Variants in DSCAM observed in about 807,000 individuals in gnomAD.
DSCAM encodes the protein DS cell adhesion molecule, also known as cell adhesion molecule DSCAM.
DSCAM carries 47 observed loss-of-function variants against 217.7 expected under a neutral mutation model. The observed-to-expected ratio is 0.22, with a 90% confidence interval of 0.17 to 0.28. The LOEUF (loss-of-function observed/expected upper bound fraction) is 0.28, where lower values mean the gene tolerates loss of function less well. Among genes scored for constraint, DSCAM ranks in the 10% least tolerant of loss-of-function variants. The pLI is 1.00. For missense variants in DSCAM, 2,080 were observed against 2,618.3 expected, an observed-to-expected ratio of 0.79 and a Z score of 4.49; for synonymous variants, 1,056 against 1,015.3, an observed-to-expected ratio of 1.04 and a Z score of -0.76.
chr21:40,232,109 C>G (rs1309963184), intron 11 of DSCAM, among the ~76,000 whole-genome samples: 2 of 152,144 alleles, frequency 1.3e-5, no homozygotes, highest in Non-Finnish European at 2.9e-5. Context: ...TGCATGTTTA[C>G]AGAATGGAAT....
chr21:40,247,305 A>G (rs2073239546), intron 11 of DSCAM, among the ~76,000 whole-genome samples: 1 of 152,120 alleles, frequency 6.6e-6, no homozygotes, highest in Admixed American at 6.5e-5. Flanking sequence ...CAAAGTCTTA[A>G]CTCATTTCAG....
At chr21:40,203,060 A>G (rs1366695122) in intron 11 of DSCAM, among the ~76,000 whole-genome samples, 1 of 152,246 alleles carries the variant, frequency 6.6e-6, no homozygotes, top group Non-Finnish European at 1.5e-5. Context: ...AAATATGAGT[A>G]TAAAAATTGA....
At chr21:40,571,202 T>A (rs1365202330) in intron 3 of DSCAM, among the ~76,000 whole-genome samples, 1 of 151,668 alleles carries the variant, frequency 6.6e-6, no homozygotes, top group African/African-American at 2.4e-5. Context: ...GGAAAAAAAA[T>A]TCAAAATGCT....
chr21:40,468,592 C>G (rs1384715182), intron 3 of DSCAM, among the ~76,000 whole-genome samples: 1 of 152,118 alleles, frequency 6.6e-6, no homozygotes, highest in African/African-American at 2.4e-5. Context: ...AAGGGCTGAA[C>G]AAGGAGGGGT....
At position 40,273,811 on chromosome 21, in the gene DSCAM, T is replaced by C. The variant is rs373060675; in HGVS notation, c.2356+2286A>G. On this transcript the variant is annotated intron_variant, in intron 11 of 32. Coordinates refer to ENST00000400454, the MANE Select transcript of DSCAM (RefSeq NM_001389.5). ...CACCTTCTTGTATATCCTCGCATGGTGGAAACAGAGAACAGGAGAGCTCTC... is the reference window on the plus strand; with the variant it reads ...CACCTTCTTGTATATCCTCGCATGGCGGAAACAGAGAACAGGAGAGCTCTC... Among the ~76,000 whole-genome samples the C allele has an allele frequency of 2.8e-3, 433 of 152,230 alleles. 4 individuals are homozygous for C. The highest frequency in any genetic ancestry group is 0.027 in the Middle Eastern group (8 of 294).
intron 2 of DSCAM, among the ~76,000 whole-genome samples, chr21:40,694,839 G>T (rs62223021): frequency 0.048 from 7,319 of 151,894 alleles, 361 homozygotes; most frequent in African/African-American, 0.13. Flanking sequence ...GGGAGCTGAG[G>T]TCTACGGTAA....
At position 40,756,248 on chromosome 21, in the gene DSCAM, G is replaced by A. The variant is rs985070929; in HGVS notation, c.44-47477C>T. Among the ~76,000 whole-genome samples the A allele has an allele frequency of 2.0e-5, 3 of 152,160 alleles. No homozygotes were observed. The East Asian group carries it at 5.8e-4, about 29-fold the overall frequency. On this transcript the variant is annotated intron_variant, in intron 1 of 32. Coordinates refer to ENST00000400454, the MANE Select transcript of DSCAM (RefSeq NM_001389.5). ...TCTTCCTCCCGCTCTGGCCATAGGAGCTGCCTGCTCCCTCTTTGCCTTCTG... is the reference window on the plus strand; with the variant it reads ...TCTTCCTCCCGCTCTGGCCATAGGAACTGCCTGCTCCCTCTTTGCCTTCTG...
At chr21:40,518,542 GTACACACACATA>G (rs1568871843) in intron 3 of DSCAM, among the ~76,000 whole-genome samples, 1 of 56,840 alleles carries the variant, frequency 1.8e-5, no homozygotes, top group Non-Finnish European at 2.9e-5. Context: ...ATATATATAT[GTACACACACATA>G]TACACACACA....
At chr21:40,768,665 G>C (rs1220406631) in intron 1 of DSCAM, among the ~76,000 whole-genome samples, 14 of 152,210 alleles carry the variant, frequency 9.2e-5, no homozygotes, top group Admixed American at 9.2e-4. Flanking sequence ...TCCCCGGTAA[G>C]TGCAGCAATC....
intron 6 of DSCAM, among the ~76,000 whole-genome samples, chr21:40,343,407 T>G (rs919805256): frequency 2.0e-5 from 3 of 152,164 alleles, no homozygotes; most frequent in Non-Finnish European, 2.9e-5. Context: ...GGAAGTATGA[T>G]TTTAGCTGTA....
Position 40,752,779 on chromosome 21 carries a change from C to T in DSCAM, c.44-44008G>A, listed in dbSNP as rs138014895. On this transcript the variant is annotated intron_variant, in intron 1 of 32. Transcript: ENST00000400454. ...TGAAAATAAGCTCAATTTTAAAAAG[C>T]GGGGAGTAAAGAATTACAAAAGGAA... 7.8e-4 allele frequency among the ~76,000 whole-genome samples: 118 copies of T among 151,550 alleles called. 1 individual carries two copies. Among genetic ancestry groups the T allele is most frequent in the African/African-American group, 2.6e-3 (107 of 41,224 alleles).
rs114345467 is a variant in DSCAM, at chr21:40,212,825, G to A, written c.2357-23587C>T. On this transcript the variant is annotated intron_variant, in intron 11 of 32. Transcript: ENST00000400454. Reference sequence around the variant, plus strand: ...GATAAGGTCATCCTTCATTAGGGTGGGTCCTAAATCCACTGAAGAATGTCA... The same window carrying A: ...GATAAGGTCATCCTTCATTAGGGTGAGTCCTAAATCCACTGAAGAATGTCA... 4.4e-3 allele frequency among the ~76,000 whole-genome samples: 666 copies of A among 152,272 alleles called. 7 individuals carry two copies. Among genetic ancestry groups the A allele is most frequent in the African/African-American group, 0.015 (643 of 41,546 alleles).
At chr21:40,564,412 C>G (rs2076749576) in intron 3 of DSCAM, among the ~76,000 whole-genome samples, 1 of 152,192 alleles carries the variant, frequency 6.6e-6, no homozygotes, top group African/African-American at 2.4e-5. Flanking sequence ...TCTGACTATG[C>G]ACACAAAGAA....
chr21:40,438,338 C>A lies in DSCAM; in HGVS notation c.509-69093G>T, dbSNP rs114755221. ...TGCAACGATCATGTGTTATGTTAATCTTGGTATCTTGGAGGTCTAGAACAG... is the reference window on the plus strand; with the variant it reads ...TGCAACGATCATGTGTTATGTTAATATTGGTATCTTGGAGGTCTAGAACAG... On this transcript the variant is annotated intron_variant, in intron 3 of 32. Coordinates refer to ENST00000400454, the MANE Select transcript of DSCAM (RefSeq NM_001389.5). Among the ~76,000 whole-genome samples the A allele has an allele frequency of 8.2e-3, 1,256 of 152,270 alleles. 17 individuals carry two copies. The highest frequency in any genetic ancestry group is 0.029 in the African/African-American group (1,199 of 41,554).
chr21:40,819,761 T>C (rs554096322), intron 1 of DSCAM, among the ~76,000 whole-genome samples: 2 of 152,324 alleles, frequency 1.3e-5, no homozygotes, highest in South Asian at 4.2e-4. Flanking sequence ...CCAGCTTGGT[T>C]TGGGTTCCAG....
intron 3 of DSCAM, among the ~76,000 whole-genome samples, chr21:40,571,972 C>T (rs930226931): frequency 1.3e-5 from 2 of 152,106 alleles, no homozygotes; most frequent in Admixed American, 1.3e-4. Flanking sequence ...TAGGGATGTT[C>T]AACTACTAAG....
intron 16 of DSCAM, 84 bp downstream of exon 16, chr21:40,167,134 G>A (rs2090603857): frequency 2.4e-6 from 3 of 1,251,070 alleles, no homozygotes; most frequent in East Asian, 2.3e-5. Flanking sequence ...AAATTCGAGA[G>A]TCTTGGTGTC....
intron 30 of DSCAM, among the ~76,000 whole-genome samples, chr21:40,051,497 A>G (rs932471292): frequency 6.6e-6 from 1 of 152,184 alleles, no homozygotes; most frequent in Non-Finnish European, 1.5e-5. Flanking sequence ...TTATGTGTGC[A>G]ACTTTATACT....
rs140060305 is a variant in DSCAM, at chr21:40,680,476, G to A, written c.508+12334C>T. Among the ~76,000 whole-genome samples, 44 of 152,300 alleles carry A rather than the reference G, an allele frequency of 2.9e-4. No individual in the cohort carries two copies. In the East Asian group the frequency reaches 8.5e-3, roughly 29 times the overall value. ...CAGGCTCCTCTGAGTGCAAACCCAA[G>A]CCCTGCTGTGCGCTGCTGGCAAAAT... is the stretch of plus-strand genomic sequence containing the variant. On this transcript the variant is annotated intron_variant, in intron 3 of 32. Transcript: ENST00000400454.
Sources: allele counts gnomAD v4.1 joint callset (sites outside exome capture counted in the v4.1 genomes callset), GRCh38; gene constraint gnomAD v4.1.1; transcripts MANE v1.5; gene names NCBI Gene and HGNC (gene_info 2026-07-23, HGNC 2026-07-21).